The following IGSF21 variants were observed in gnomAD, a reference collection of about 807,000 sequenced individuals.
The protein encoded by IGSF21 is immunoglobin superfamily member 21.
In IGSF21, 28 loss-of-function variants were observed where a neutral mutation model predicts 46.8. That is an observed-to-expected ratio of 0.60 (90% confidence interval 0.44 to 0.82). The LOEUF (loss-of-function observed/expected upper bound fraction) is 0.82, where lower values mean the gene tolerates loss of function less well. Ranked by LOEUF, IGSF21 falls within the 40% of genes least tolerant of loss-of-function variation. The pLI is 0.00. For synonymous variants in IGSF21, 284 were observed against 273.6 expected (o/e 1.04, Z -0.38); for missense variants, 624 against 665.5 (o/e 0.94, Z 0.69).
chr1:18,273,678 AT>A (rs34375924), intron 2 of IGSF21, among the ~76,000 whole-genome samples: 33,558 of 147,626 alleles, frequency 0.23, 3,959 homozygotes, highest in African/African-American at 0.3. Flanking sequence ...CCAGGTAAAG[AT>A]TTTTTTTTTT....
chr1:18,373,366 G>T (rs1234138297), intron 6 of IGSF21, among the ~76,000 whole-genome samples: 1 of 152,162 alleles, frequency 6.6e-6, no homozygotes, highest in South Asian at 2.1e-4. Context: ...AGGCAAGGGG[G>T]TGTAGGTTTT....
chr1:18,202,765 C>A (rs1162690845), intron 1 of IGSF21, among the ~76,000 whole-genome samples: 1 of 152,184 alleles, frequency 6.6e-6, no homozygotes. Flanking sequence ...GGTGGGGACA[C>A]AAAGCCAAAC....
At chr1:18,135,225 G>A (rs2086357968) in intron 1 of IGSF21, among the ~76,000 whole-genome samples, 1 of 152,020 alleles carries the variant, frequency 6.6e-6, no homozygotes, top group Admixed American at 6.6e-5. Context: ...CTGAGACTGG[G>A]TAATTTATTT....
chr1:18,353,120 T>G (rs1296094589), intron 4 of IGSF21, among the ~76,000 whole-genome samples: 1 of 150,722 alleles, frequency 6.6e-6, no homozygotes, highest in Non-Finnish European at 1.5e-5. Context: ...TGATGGCGGC[T>G]CCATTTGGGG....
At chr1:18,320,242 A>G (rs2085587415) in intron 3 of IGSF21, among the ~76,000 whole-genome samples, 2 of 152,164 alleles carry the variant, frequency 1.3e-5, no homozygotes, top group East Asian at 3.9e-4. Context: ...AAAGGGGCTG[A>G]TAGGAGAAGC....
intron 1 of IGSF21, among the ~76,000 whole-genome samples, chr1:18,148,758 A>G (rs1286525825): frequency 6.6e-6 from 1 of 152,206 alleles, no homozygotes; most frequent in Non-Finnish European, 1.5e-5. Flanking sequence ...CAGAGATATC[A>G]TATCATCGCT....
intron 1 of IGSF21, among the ~76,000 whole-genome samples, chr1:18,207,476 C>T (rs552505159): frequency 1.3e-3 from 194 of 152,306 alleles, no homozygotes; most frequent in African/African-American, 4.5e-3. Context: ...GCAGGAAAGG[C>T]ATCTGGGTAT....
At chr1:18,239,297 C>G (rs2084702844) in intron 2 of IGSF21, among the ~76,000 whole-genome samples, 1 of 152,130 alleles carries the variant, frequency 6.6e-6, no homozygotes, top group Non-Finnish European at 1.5e-5. Context: ...CCAGCTCAGA[C>G]TCACCATCCC....
chr1:18,282,801 C>T (rs1236499178), intron 2 of IGSF21, among the ~76,000 whole-genome samples: 3 of 152,166 alleles, frequency 2.0e-5, no homozygotes, highest in Non-Finnish European at 4.4e-5. Flanking sequence ...TGCCTGCATA[C>T]ACTCTCTTAC....
chr1:18,348,580 G>A (rs2085918740), intron 4 of IGSF21, among the ~76,000 whole-genome samples: 1 of 152,194 alleles, frequency 6.6e-6, no homozygotes, highest in Admixed American at 6.5e-5. Flanking sequence ...TGTGGCTGTT[G>A]AAACTGCAGT....
chr1:18,209,494 G>T (rs1001950804), intron 1 of IGSF21, among the ~76,000 whole-genome samples: 2 of 150,646 alleles, frequency 1.3e-5, no homozygotes, highest in Admixed American at 6.6e-5. Flanking sequence ...TCACTCTGTC[G>T]CCCAGGCTGG....
At position 18,197,932 on chromosome 1, in the gene IGSF21, C is replaced by T. The variant is rs1410508386; in HGVS notation, c.71-29966C>T. ...GGCTTCTATAAGAATCCAGTGGATTCTTGGAAAGGTGTCGTAACCTCTCCA... is the reference window on the plus strand; with the variant it reads ...GGCTTCTATAAGAATCCAGTGGATTTTTGGAAAGGTGTCGTAACCTCTCCA... On this transcript the variant is annotated intron_variant, in intron 1 of 9. Coordinates refer to ENST00000251296, the MANE Select transcript of IGSF21 (RefSeq NM_032880.5). 2.0e-5 allele frequency among the ~76,000 whole-genome samples: 3 copies of T among 152,246 alleles called. No individual in the cohort carries two copies. The South Asian group carries it at 6.2e-4, about 32-fold the overall frequency.
At chr1:18,267,166 G>A (rs1000012454) in intron 2 of IGSF21, among the ~76,000 whole-genome samples, 2 of 152,176 alleles carry the variant, frequency 1.3e-5, no homozygotes, top group African/African-American at 4.8e-5. Flanking sequence ...TTGTCTAATA[G>A]GTGAGGCAGG....
intron 1 of IGSF21, among the ~76,000 whole-genome samples, chr1:18,153,444 A>G (rs1412991882): frequency 1.3e-5 from 2 of 152,180 alleles, no homozygotes; most frequent in African/African-American, 2.4e-5. Context: ...AGGGAACTCA[A>G]AAGGCCCCAG....
rs1570239628 is a variant in IGSF21 at position 18,117,240 on chromosome 1, A to G, written c.70+9042A>G. ...CGTTTGGAGATGGCCCACTTCTCCC[A>G]GCACATCCTGACCCAGTGAGGAGGG... On this transcript the variant is annotated intron_variant, in intron 1 of 9. Coordinates refer to ENST00000251296, the MANE Select transcript of IGSF21 (RefSeq NM_032880.5). 2.0e-5 allele frequency among the ~76,000 whole-genome samples: 3 copies of G among 152,360 alleles called. No individual in the cohort carries two copies. In the South Asian group the frequency reaches 6.2e-4, roughly 32 times the overall value.
chr1:18,275,043 C>CAAAAAA (rs1553159784), intron 2 of IGSF21, among the ~76,000 whole-genome samples: 4,583 of 151,938 alleles, frequency 0.03, 224 homozygotes, highest in African/African-American at 0.1. Flanking sequence ...AACAAACAAA[C>CAAAAAA]AAAAAAGAAG....
chr1:18,121,859 C>A (rs989181699), intron 1 of IGSF21, among the ~76,000 whole-genome samples: 1 of 152,222 alleles, frequency 6.6e-6, no homozygotes, highest in African/African-American at 2.4e-5. Flanking sequence ...GTTCCATGTA[C>A]CCGACTGTCC....
chr1:18,226,699 G>A (rs895396229), intron 1 of IGSF21, among the ~76,000 whole-genome samples: 3 of 152,196 alleles, frequency 2.0e-5, no homozygotes, highest in Admixed American at 6.5e-5. Context: ...TGTAACCATT[G>A]AGTTCCAGGC....
At chr1:18,177,392 G>GGTGTGT (rs3041401) in intron 1 of IGSF21, among the ~76,000 whole-genome samples, 3,371 of 124,258 alleles carry the variant, frequency 0.027, 91 homozygotes, top group East Asian at 0.039. Flanking sequence ...GGGTCAGTGA[G>GGTGTGT]GTGTGTGTGT....
Sources: gnomAD v4.1 joint callset for allele counts (sites outside exome capture counted in the v4.1 genomes callset) on GRCh38, gnomAD v4.1.1 for gene constraint, MANE v1.5 for transcripts, NCBI Gene and HGNC (gene_info 2026-07-23, HGNC 2026-07-21) for gene names.